The following FBN2 variants were observed in gnomAD, a reference collection of about 807,000 sequenced individuals.
FBN2 encodes fibrillin 2.
In FBN2, 105 loss-of-function variants were observed where a neutral mutation model predicts 355.6. That is an observed-to-expected ratio of 0.30 (90% CI 0.25 to 0.35). The LOEUF is 0.35. FBN2 is among the 10% of genes least tolerant of loss of function. FBN2 has a pLI of 1.00. For missense variants in FBN2, 3,280 were observed against 3,758.7 expected (o/e 0.87, Z 3.33); for synonymous variants, 1,350 against 1,301.2 (o/e 1.04, Z -0.81).
At chr5:128,388,513 C>G (rs1328803263) in intron 11 of FBN2, among the ~76,000 whole-genome samples, 1 of 152,200 alleles carries the variant, frequency 6.6e-6, no homozygotes, top group African/African-American at 2.4e-5. Flanking sequence ...CCCTCAAGGA[C>G]CTCTTGGTAA....
At chr5:128,449,343 CATAGTATACTAT>C (rs75018513) in intron 6 of FBN2, among the ~76,000 whole-genome samples, 23,604 of 140,206 alleles carry the variant, frequency 0.17, 2,168 homozygotes, top group Non-Finnish European at 0.21. Flanking sequence ...CGTATAATTA[CATAGTATACTAT>C]ATAGTATACT....
At chr5:128,420,060 T>C (rs1412252300) in intron 7 of FBN2, among the ~76,000 whole-genome samples, 1 of 152,176 alleles carries the variant, frequency 6.6e-6, no homozygotes, top group African/African-American at 2.4e-5. Flanking sequence ...CTTTTCTATA[T>C]GGGGCTGGAT....
intron 35 of FBN2, 61 bp from the exon 36 acceptor site, chr5:128,318,332 T>C: frequency 6.3e-7 from 1 of 1,582,308 alleles, no homozygotes; most frequent in Non-Finnish European, 8.7e-7. Context: ...CATACTGCTG[T>C]TCCAAAGAAT....
chr5:128,456,075 T>C (rs1199255764), intron 6 of FBN2, among the ~76,000 whole-genome samples: 1 of 144,118 alleles, frequency 6.9e-6, no homozygotes, highest in African/African-American at 2.6e-5. Flanking sequence ...GCTGCATCCA[T>C]TTCTATAGCT....
intron 7 of FBN2, among the ~76,000 whole-genome samples, chr5:128,436,342 A>G (rs1753767111): frequency 6.6e-6 from 1 of 152,206 alleles, no homozygotes; most frequent in African/African-American, 2.4e-5. Flanking sequence ...CAGACTAAAA[A>G]TATCACTGCT....
At chr5:128,476,326 C>G (rs1484087296) in intron 5 of FBN2, among the ~76,000 whole-genome samples, 1 of 151,974 alleles carries the variant, frequency 6.6e-6, no homozygotes, top group Non-Finnish European at 1.5e-5. Flanking sequence ...AGATTTTAAT[C>G]AAACAATGAA....
chr5:128,387,509 G>C (rs989641162), intron 11 of FBN2, among the ~76,000 whole-genome samples: 1 of 151,904 alleles, frequency 6.6e-6, no homozygotes, highest in Admixed American at 6.6e-5. Context: ...TGTTAGCTTT[G>C]GGGTTGGTTT....
intron 4 of FBN2, among the ~76,000 whole-genome samples, chr5:128,526,628 T>G (rs1756569679): frequency 6.6e-6 from 1 of 152,118 alleles, no homozygotes; most frequent in South Asian, 2.1e-4. Context: ...AACAAACCAG[T>G]CACCCAAGGA....
In FBN2 at chr5:128,378,771, C is replaced by G. The variant is rs1444825631; in HGVS notation, c.1723G>C (p.Asp575His). Residue 575 changes from aspartate (D) to histidine (H), a missense_variant and splice_region_variant, in exon 12 of 65, where the codon GAT (aspartate) becomes CAT (histidine). By Grantham distance (81) the Asp-to-His change is moderately conservative (BLOSUM62 -1). Coordinates refer to ENST00000262464, the MANE Select transcript of FBN2 (RefSeq NM_001999.4). The part of the protein sequence containing the change: ...QRTPTKQACI[D>H]IDECIQNGVL... ...CATATGTGAAAGCAAACTGCCTTACCAATGCATGCTTGCTTGGTAGGAGTC... is the reference window on the plus strand; with the variant it reads ...CATATGTGAAAGCAAACTGCCTTACGAATGCATGCTTGCTTGGTAGGAGTC... 6.2e-7 allele frequency: 1 copy of G among 1,612,832 alleles called. No individual in the cohort carries two copies. Among genetic ancestry groups the G allele is most frequent in the African/African-American group, 1.3e-5 (1 of 74,854 alleles).
chr5:128,522,514 C>T (rs1756457101), intron 4 of FBN2, among the ~76,000 whole-genome samples: 1 of 152,160 alleles, frequency 6.6e-6, no homozygotes, highest in Non-Finnish European at 1.5e-5. Context: ...ACAGTGGCTG[C>T]ACGCTGAAGG....
chr5:128,374,303 A>G (rs970654937), intron 15 of FBN2, among the ~76,000 whole-genome samples: 2 of 152,246 alleles, frequency 1.3e-5, no homozygotes, highest in Non-Finnish European at 2.9e-5. Context: ...ATCACTACAG[A>G]TGATTTTAGA....
At chr5:128,308,892 T>C (rs1033694839) in intron 41 of FBN2, among the ~76,000 whole-genome samples, 1 of 152,240 alleles carries the variant, frequency 6.6e-6, no homozygotes, top group African/African-American at 2.4e-5. Context: ...ATACTTTCCA[T>C]GTCTAGCACA....
At chr5:128,307,341 T>A (rs1451731108) in intron 41 of FBN2, 138 bp from the exon 42 acceptor site, 2 of 674,884 alleles carry the variant, frequency 3.0e-6, no homozygotes, top group South Asian at 3.3e-5. Flanking sequence ...ATTTATTTGA[T>A]AGCAATGCCA....
intron 7 of FBN2, among the ~76,000 whole-genome samples, chr5:128,427,139 G>T (rs1561451623): frequency 6.6e-6 from 1 of 152,096 alleles, no homozygotes; most frequent in Non-Finnish European, 1.5e-5. Context: ...CTAAGCTCCT[G>T]AGATGGAGGT....
At chr5:128,334,262 G>A (rs1343385494) in intron 31 of FBN2, among the ~76,000 whole-genome samples, 1 of 152,022 alleles carries the variant, frequency 6.6e-6, no homozygotes, top group East Asian at 1.9e-4. Context: ...AGGAAAAGAT[G>A]GGAGAAAGGA....
At chr5:128,313,852 C>CAAAAA (rs70997367) in intron 36 of FBN2, among the ~76,000 whole-genome samples, 4 of 48,228 alleles carry the variant, frequency 8.3e-5, no homozygotes, top group Non-Finnish European at 1.1e-4. Context: ...GACTCTGTCT[C>CAAAAA]AAAAAAAAAA....
intron 11 of FBN2, among the ~76,000 whole-genome samples, chr5:128,389,880 A>G (rs1752465571): frequency 6.6e-6 from 1 of 152,130 alleles, no homozygotes; most frequent in South Asian, 2.1e-4. Context: ...TGCTCCTTCC[A>G]TACATTCTTA....
chr5:128,487,410 A>T (rs1755367014), intron 5 of FBN2, among the ~76,000 whole-genome samples: 1 of 152,212 alleles, frequency 6.6e-6, no homozygotes, highest in South Asian at 2.1e-4. Context: ...GACTAATACA[A>T]GGTCTCAGAT....
intron 2 of FBN2, 130 bp downstream of exon 2, chr5:128,536,272 C>T (rs1201883179): frequency 1.2e-5 from 9 of 751,006 alleles, no homozygotes; most frequent in Non-Finnish European, 1.9e-5. Flanking sequence ...GGGCCGCGTC[C>T]CGATTATCAG....
Sources: allele counts gnomAD v4.1 joint callset (sites outside exome capture counted in the v4.1 genomes callset), GRCh38; gene constraint gnomAD v4.1.1; transcripts MANE v1.5; gene names NCBI Gene and HGNC (gene_info 2026-07-23, HGNC 2026-07-21).